CHODL: variants seen among roughly 807,000 people sequenced by gnomAD.
CHODL encodes the protein transmembrane protein MT75.
A neutral mutation model predicts 34.5 loss-of-function variants in CHODL; 29 were observed. That is an observed-to-expected ratio of 0.84 (90% CI 0.63 to 1.15). The LOEUF is 1.15. Ranked by LOEUF, CHODL falls within the 50% of genes most tolerant of loss-of-function variation. CHODL has a pLI of 0.00. For synonymous variants in CHODL, 125 were observed against 116.1 expected, an observed-to-expected ratio of 1.08 and a Z score of -0.49; for missense variants, 332 against 332.5, an observed-to-expected ratio of 1.00 and a Z score of 0.01.
intron 2 of CHODL, among the ~76,000 whole-genome samples, chr21:18,181,431 C>T (rs2146676918): frequency 6.6e-6 from 1 of 152,342 alleles, no homozygotes; most frequent in East Asian, 1.9e-4. Context: ...GAGACGGAGT[C>T]TCGCTCTGTC....
chr21:17,951,107 C>CGTGTGTGTGT (rs3073722), intron 1 of CHODL, among the ~76,000 whole-genome samples: 60 of 149,132 alleles, frequency 4.0e-4, no homozygotes, highest in East Asian at 1.6e-3. Flanking sequence ...TTACTCTATA[C>CGTGTGTGTGT]GTGTGTGTGT....
At chr21:18,198,783 A>G (rs2073617920) in intron 2 of CHODL, among the ~76,000 whole-genome samples, 1 of 152,170 alleles carries the variant, frequency 6.6e-6, no homozygotes, top group African/African-American at 2.4e-5. Context: ...ACATCATTAA[A>G]AGGAAAAGTT....
upstream of CHODL, among the ~76,000 whole-genome samples, chr21:18,244,303 T>C (rs2074109998): frequency 6.6e-6 from 1 of 152,204 alleles, no homozygotes; most frequent in African/African-American, 2.4e-5. Context: ...AATATTCCTT[T>C]CAATTTGCTC....
In CHODL at chr21:18,267,157, G is replaced by A. The variant is rs1437264740; in HGVS notation, c.*1119G>A. ...ACATTTTAGGAAGGAAAGGAACTAC[G>A]AAATCGTGTGAAAATGGGTTGGAAC... On this transcript the variant is annotated 3_prime_UTR_variant, in exon 6 of 6. Transcript: ENST00000299295. 5 of 152,216 alleles carry A rather than the reference G, an allele frequency of 3.3e-5. No homozygotes were observed. Among genetic ancestry groups the A allele is most frequent in the African/African-American group, 7.2e-5 (3 of 41,450 alleles). The allele number at this position is 152,216 out of a possible 1,614,324, so 9.4% of individuals were successfully genotyped here.
rs572959344 is a variant in CHODL at position 18,128,679 on chromosome 21, A to G, written c.-45+100708A>G. On this transcript the variant is annotated intron_variant, in intron 2 of 6. Coordinates refer to the CHODL transcript ENST00000400127. ...ACATATCAGAATACATTCTGGAGCA[A>G]GGAGCAAGGAGAAGGAATAGAGAGT... 1.1e-4 allele frequency among the ~76,000 whole-genome samples: 17 copies of G among 152,306 alleles called. No individual in the cohort carries two copies. The South Asian group carries it at 3.3e-3, about 30-fold the overall frequency.
chr21:18,163,630 A>G (rs2073121580), intron 2 of CHODL, among the ~76,000 whole-genome samples: 1 of 152,324 alleles, frequency 6.6e-6, no homozygotes, highest in African/African-American at 2.4e-5. Context: ...TAAACCTAAG[A>G]GTGTCAGGAG....
At chr21:18,116,789 C>A (rs1029964577) in intron 2 of CHODL, among the ~76,000 whole-genome samples, 2 of 152,112 alleles carry the variant, frequency 1.3e-5, no homozygotes, top group Non-Finnish European at 2.9e-5. Flanking sequence ...GGAGTTGAAG[C>A]CTTTGGGGCT....
intron 1 of CHODL, among the ~76,000 whole-genome samples, chr21:18,012,911 C>T (rs2064032922): frequency 6.7e-6 from 1 of 148,554 alleles, no homozygotes; most frequent in South Asian, 2.2e-4. Context: ...TGCTGTCGTT[C>T]AGTAAATGGA....
At chr21:18,072,528 G>T (rs1568871325) in intron 2 of CHODL, among the ~76,000 whole-genome samples, 1 of 152,098 alleles carries the variant, frequency 6.6e-6, no homozygotes, top group Non-Finnish European at 1.5e-5. Context: ...AAGTTATATT[G>T]AATATAGGAA....
intron 2 of CHODL, among the ~76,000 whole-genome samples, chr21:18,054,267 A>G (rs1270799013): frequency 1.3e-5 from 2 of 151,954 alleles, no homozygotes; most frequent in Non-Finnish European, 2.9e-5. Flanking sequence ...GTGATAGAGA[A>G]CCTGTTCTAA....
At chr21:18,138,616 T>C (rs1288395161) in intron 2 of CHODL, among the ~76,000 whole-genome samples, 1 of 152,182 alleles carries the variant, frequency 6.6e-6, no homozygotes, top group Non-Finnish European at 1.5e-5. Context: ...TGTAGATCAA[T>C]CAAAGAGAAT....
intron 5 of CHODL, among the ~76,000 whole-genome samples, chr21:18,263,310 T>G (rs2146828295): frequency 6.6e-6 from 1 of 152,336 alleles, no homozygotes; most frequent in South Asian, 2.1e-4. Flanking sequence ...AGACTTGATA[T>G]TTGTAGGTTC....
At chr21:18,161,727 T>C (rs1453123074) in intron 2 of CHODL, among the ~76,000 whole-genome samples, 2 of 152,158 alleles carry the variant, frequency 1.3e-5, no homozygotes, top group Non-Finnish European at 2.9e-5. Context: ...ATTCTTCTAA[T>C]CCTCCCTACA....
At chr21:18,219,189 G>T (rs1266065054) in intron 2 of CHODL, among the ~76,000 whole-genome samples, 1 of 152,196 alleles carries the variant, frequency 6.6e-6, no homozygotes, top group Non-Finnish European at 1.5e-5. Flanking sequence ...AGGGAAAGAA[G>T]TTTTATTGAC....
At position 18,266,836 on chromosome 21, in the gene CHODL, T is replaced by C. The variant is rs2074468684; in HGVS notation, c.*798T>C. On this transcript the variant is annotated 3_prime_UTR_variant, in exon 6 of 6. Transcript: ENST00000299295. ...AATAGGTGCATAAACACTAATGCAGTCAATTTGAACAAAAGAAGTGACATA... is the reference window on the plus strand; with the variant it reads ...AATAGGTGCATAAACACTAATGCAGCCAATTTGAACAAAAGAAGTGACATA... 1 of 152,652 alleles carries C rather than the reference T, an allele frequency of 6.6e-6. No individual in the cohort carries two copies. The highest frequency in any genetic ancestry group is 1.5e-5 in the Non-Finnish European group (1 of 68,074). The allele number at this position is 152,652 out of a possible 1,614,324, so 9.5% of individuals were successfully genotyped here. A position where few individuals can be genotyped will look rare whatever the true frequency, so the allele number is the denominator to read the frequency against.
intron 2 of CHODL, among the ~76,000 whole-genome samples, chr21:18,101,067 G>A (rs897997584): frequency 3.3e-5 from 5 of 152,226 alleles, no homozygotes; most frequent in Admixed American, 6.5e-5. Context: ...TGATTCCCAC[G>A]TGTTGTGGGA....
At chr21:18,170,121 T>G (rs1478711213) in intron 2 of CHODL, among the ~76,000 whole-genome samples, 5 of 152,050 alleles carry the variant, frequency 3.3e-5, no homozygotes, top group Non-Finnish European at 2.9e-5. Context: ...TTGGTGCATG[T>G]ATATTTTCAT....
chr21:17,918,037 C>A (rs1568796995), intron 1 of CHODL, among the ~76,000 whole-genome samples: 1 of 151,976 alleles, frequency 6.6e-6, no homozygotes, highest in African/African-American at 2.4e-5. Context: ...CTTGTGAAGT[C>A]TGTGGAGTCA....
intron 2 of CHODL, among the ~76,000 whole-genome samples, chr21:18,064,274 T>C (rs527848262): frequency 2.6e-4 from 40 of 152,338 alleles, no homozygotes; most frequent in African/African-American, 8.4e-4. Context: ...CATACCCATC[T>C]CTTCCATGTC....
Sources: allele counts gnomAD v4.1 joint callset (sites outside exome capture counted in the v4.1 genomes callset), GRCh38; gene constraint gnomAD v4.1.1; transcripts MANE v1.5; gene names NCBI Gene and HGNC (gene_info 2026-07-23, HGNC 2026-07-21).